The following FLNB variants were observed in gnomAD, a reference collection of about 807,000 sequenced individuals.
FLNB encodes filamin-B.
A neutral mutation model predicts 250.6 loss-of-function variants in FLNB; 111 were observed. The ratio of observed to expected loss-of-function variants is 0.44; its 90% CI spans 0.38 to 0.52. The LOEUF is 0.52. FLNB is among the 20% of genes least tolerant of loss of function. FLNB has a pLI of 0.00. For synonymous variants in FLNB, 1,302 were observed against 1,372.1 expected, an observed-to-expected ratio of 0.95 and a Z score of 1.13; for missense variants, 2,869 against 3,447.8, an observed-to-expected ratio of 0.83 and a Z score of 4.20.
In FLNB at chr3:58,132,862, C is replaced by A. The variant is rs1324667271; in HGVS notation, c.4445C>A (p.Thr1482Asn). 6.8e-6 allele frequency: 11 copies of A among 1,613,884 alleles called. No homozygotes were observed. Among genetic ancestry groups the A allele is most frequent in the African/African-American group, 1.3e-5 (1 of 74,952 alleles). The stretch of plus-strand genomic sequence containing the variant: ...AATGGAGATGGCACACACACAGTAA[C>A]CTACACCCCATCTCAGGAGGGACCT... Reference protein sequence around the residue: ...VDNGDGTHTVTYTPSQEGPYM... With the variant: ...VDNGDGTHTVNYTPSQEGPYM... The change falls in exon 26 of 46, where the codon ACC becomes AAC. Residue 1482 changes from threonine (T) to asparagine (N), a missense_variant. By Grantham distance (65) the Thr-to-Asn change is moderately conservative. Around this residue, in one of 5 missense-constraint regions of FLNB, gnomAD observed 126 missense variants for 182.0 expected, o/e 0.69. Coordinates refer to ENST00000295956, the MANE Select transcript of FLNB (RefSeq NM_001457.4).
intron 1 of FLNB, among the ~76,000 whole-genome samples, chr3:58,036,389 G>A (rs982844658): frequency 1.3e-5 from 2 of 152,170 alleles, no homozygotes; most frequent in Non-Finnish European, 2.9e-5. Flanking sequence ...AATTCGGCAG[G>A]TAGGGGCTCA....
intron 32 of FLNB, among the ~76,000 whole-genome samples, chr3:58,145,473 A>G (rs2097334327): frequency 6.6e-6 from 1 of 152,210 alleles, no homozygotes. Flanking sequence ...GAAAGTGCTT[A>G]CATAGGGCTA....
At chr3:58,161,754 C>CTGGCCTTCCTCTTGGTGGCAGGA (rs535215865) in intron 42 of FLNB, among the ~76,000 whole-genome samples, 4 of 152,088 alleles carry the variant, frequency 2.6e-5, no homozygotes, top group Middle Eastern at 3.2e-3. Context: ...GGGCCTGGTT[C>CTGGCCTTCCTCTTGGTGGCAGGA]TGGCCTTCCT....
chr3:58,068,116 G>A (rs2097188611), intron 1 of FLNB, among the ~76,000 whole-genome samples: 1 of 152,092 alleles, frequency 6.6e-6, no homozygotes, highest in Non-Finnish European at 1.5e-5. Flanking sequence ...CTGAAGCCGT[G>A]GCTCATTTCA....
intron 42 of FLNB, 99 bp downstream of exon 42, chr3:58,159,785 C>A: frequency 7.8e-7 from 1 of 1,285,706 alleles, no homozygotes; most frequent in Non-Finnish European, 1.1e-6. Flanking sequence ...AGTTTCATTA[C>A]TGCCAGTGAG....
intron 38 of FLNB, among the ~76,000 whole-genome samples, chr3:58,153,158 T>G (rs550237794): frequency 2.6e-5 from 4 of 152,142 alleles, no homozygotes; most frequent in Non-Finnish European, 5.9e-5. Context: ...TGGCAAAAAG[T>G]CTCAGTGCCC....
intron 24 of FLNB, among the ~76,000 whole-genome samples, chr3:58,129,823 T>C (rs74426586): frequency 6.6e-6 from 1 of 152,200 alleles, no homozygotes; most frequent in Admixed American, 6.5e-5. Flanking sequence ...ATGGGCGTGG[T>C]AGCCTGAGGC....
rs903845836 is a variant in FLNB, at chr3:58,098,878, A to G, written c.1315A>G (p.Lys439Glu). 4 of 1,614,046 alleles carry G rather than the reference A, an allele frequency of 2.5e-6. No individual in the cohort carries two copies. In the Admixed American group the frequency reaches 6.7e-5, roughly 27 times the overall value. The change falls in exon 8 of 46, where the codon AAG becomes GAG. Residue 439 changes from lysine (K) to glutamate (E), a missense_variant. Physicochemically the swap from Lys to Glu is moderately conservative, Grantham distance 56. This residue lies in a region of FLNB where 1,348 missense variants were observed against 1,466.7 expected (regional missense o/e 0.92). Transcript: ENST00000295956. ...KIFFAGDTIP[K>E]SPFVVQVGEA... ...CTTCTTTGCTGGGGACACTATTCCT[A>G]AGAGTCCCTTCGTTGTGCAGGTTGG...
At chr3:58,019,159 C>A (rs979076248) in intron 1 of FLNB, among the ~76,000 whole-genome samples, 1 of 151,986 alleles carries the variant, frequency 6.6e-6, no homozygotes, top group Admixed American at 6.6e-5. Flanking sequence ...TTGCTATTGT[C>A]ACAATTAGTT....
Position 58,142,546 on chromosome 3 carries a change from C to G in FLNB, c.5182-104C>G. 1.0e-6 allele frequency: 1 copy of G among 992,228 alleles called. No homozygotes were observed. Among genetic ancestry groups the G allele is most frequent in the Non-Finnish European group, 1.6e-6 (1 of 636,198 alleles). 61.5% of individuals were successfully genotyped at this position (992,228 alleles called of 1,614,324 possible). A position where few individuals can be genotyped will look rare whatever the true frequency, so the allele number is the denominator to read the frequency against. On this transcript the variant is annotated intron_variant, in intron 30 of 45. Transcript: ENST00000295956. The surrounding 1 kb of genome is among the most constrained non-coding windows in gnomAD (Gnocchi z 4.3). ...AATGGGCAGCCGCATTCCCAAATCC[C>G]GGCCTCACTGGCTTGTAGAATTCCC...
intron 29 of FLNB, among the ~76,000 whole-genome samples, chr3:58,140,811 G>A (rs529096628): frequency 1.3e-5 from 2 of 152,300 alleles, no homozygotes; most frequent in African/African-American, 4.8e-5. Flanking sequence ...GTTTCACCAT[G>A]TTGGCCAGGC....
chr3:58,018,046 G>A (rs1256775118), intron 1 of FLNB, among the ~76,000 whole-genome samples: 1 of 152,120 alleles, frequency 6.6e-6, no homozygotes, highest in African/African-American at 2.4e-5. Context: ...AATAATGCTG[G>A]CTGTGTACTG....
At position 58,125,749 on chromosome 3, in the gene FLNB, C is replaced by T; in HGVS notation, c.4061+6C>T. 2 of 1,613,920 alleles carry T rather than the reference C, an allele frequency of 1.2e-6. No individual in the cohort carries two copies. The highest frequency in any genetic ancestry group is 1.7e-5 in the Admixed American group (1 of 60,022). On this transcript the variant is annotated splice_donor_region_variant and intron_variant, in intron 23 of 45. Coordinates refer to ENST00000295956, the MANE Select transcript of FLNB (RefSeq NM_001457.4). ...GTCTTCACCGTGGTTACCAGGTAGG[C>T]AAGGCCCTACATTTGGTGTCTTGAG...
At chr3:58,022,703 C>A (rs1016742928) in intron 1 of FLNB, among the ~76,000 whole-genome samples, 3 of 152,152 alleles carry the variant, frequency 2.0e-5, no homozygotes, top group Non-Finnish European at 4.4e-5. Context: ...CTGAGGCACA[C>A]CCAGATTGGC....
At chr3:58,122,730 C>G (rs1485193071) in intron 20 of FLNB, among the ~76,000 whole-genome samples, 1 of 152,156 alleles carries the variant, frequency 6.6e-6, no homozygotes, top group African/African-American at 2.4e-5. Flanking sequence ...CCACAAGAGC[C>G]CTTCCATGAG....
rs1244879124 is a variant in FLNB at position 58,008,617 on chromosome 3, A to C, written c.53A>C (p.Gln18Pro). 6.2e-7 allele frequency: 1 copy of C among 1,613,262 alleles called. No homozygotes were observed. The highest frequency in any genetic ancestry group is 1.3e-5 in the African/African-American group (1 of 74,898). ...LAEDAPWKKIQQNTFTRWCNE... is the reference protein window; with the variant it reads ...LAEDAPWKKIPQNTFTRWCNE... The stretch of plus-strand genomic sequence containing the variant: ...GAGGACGCGCCTTGGAAGAAGATCC[A>C]GCAGAACACGTTCACACGCTGGTGC... Residue 18 changes from glutamine to proline, a missense_variant, in exon 1 of 46, where the codon CAG (glutamine) becomes CCG (proline). Physicochemically the swap from Gln to Pro is moderately conservative, Grantham distance 76. Transcript: ENST00000295956.
chr3:58,096,279 C>T (rs2097238408), intron 6 of FLNB, 61 bp downstream of exon 6: 1 of 1,172,432 alleles, frequency 8.5e-7, no homozygotes, highest in African/African-American at 1.5e-5. Flanking sequence ...AGAAAGATAG[C>T]CCAGGAAGAA....
chr3:58,104,572 A>G (rs2097256449), intron 10 of FLNB, among the ~76,000 whole-genome samples: 1 of 151,928 alleles, frequency 6.6e-6, no homozygotes, highest in African/African-American at 2.4e-5. Context: ...TGGAGGTGCA[A>G]CTTTAAACTC....
At chr3:58,140,857 G>T (rs1021083950) in intron 29 of FLNB, among the ~76,000 whole-genome samples, 2 of 152,180 alleles carry the variant, frequency 1.3e-5, no homozygotes, top group African/African-American at 4.8e-5. Context: ...CACCTGCCTT[G>T]GCCTCCCAAA....
Sources: gnomAD v4.1 joint callset for allele counts (sites outside exome capture counted in the v4.1 genomes callset) on GRCh38, gnomAD v4.1.1 for gene constraint, gnomAD v4.1.1 regional missense constraint, Gnocchi (gnomAD v3.1) non-coding constraint, MANE v1.5 for transcripts, NCBI Gene and HGNC (gene_info 2026-07-23, HGNC 2026-07-21) for gene names.